Variants in SUMF1 observed in about 807,000 individuals in gnomAD.
SUMF1 encodes the protein sulfatase modifying factor 1.
In SUMF1, 48 loss-of-function variants were observed where a neutral mutation model predicts 47.6. That is an observed-to-expected ratio of 1.01 (90% confidence interval 0.80 to 1.28). SUMF1 has a LOEUF of 1.28. Among genes scored for constraint, SUMF1 ranks in the 50% most tolerant of loss-of-function variants. SUMF1 has a pLI of 0.00. For synonymous variants in SUMF1, 230 were observed against 192.1 expected (o/e 1.20, Z -1.63); for missense variants, 571 against 485.4 (o/e 1.18, Z -1.66).
chr3:4,336,126 T>C (rs1699148797), intron 8 of SUMF1, among the ~76,000 whole-genome samples: 1 of 152,130 alleles, frequency 6.6e-6, no homozygotes, highest in Non-Finnish European at 1.5e-5. Context: ...CAAGGTTGAT[T>C]TGGCCAAGGT....
At chr3:4,403,982 G>A (rs1471021474) in intron 7 of SUMF1, among the ~76,000 whole-genome samples, 4 of 152,198 alleles carry the variant, frequency 2.6e-5, no homozygotes, top group Non-Finnish European at 5.9e-5. Flanking sequence ...TTGTCCTGAA[G>A]TGGAAACAAA....
intron 8 of SUMF1, among the ~76,000 whole-genome samples, chr3:4,284,451 AG>A (rs1559650399): frequency 1.6e-4 from 15 of 93,750 alleles, no homozygotes; most frequent in African/African-American, 6.4e-4. Context: ...AAGGAGGAGG[AG>A]GAGGAGGAGG....
rs374978118 is a variant in SUMF1, at chr3:4,354,683, T to A, written c.1014+21647A>T. 7.9e-4 allele frequency among the ~76,000 whole-genome samples: 120 copies of A among 152,288 alleles called. 1 individual carries two copies. Among genetic ancestry groups the A allele is most frequent in the African/African-American group, 2.8e-3 (118 of 41,566 alleles). ...GGTTAAGCTTTTCTATGCAGTCTCT[T>A]TGTTCTTTCTTACTCTTAGCCCATT... On this transcript the variant is annotated intron_variant and NMD_transcript_variant, in intron 8 of 12. Transcript: ENST00000448413.
intron 8 of SUMF1, among the ~76,000 whole-genome samples, chr3:4,096,828 A>G (rs775439037): frequency 6.6e-6 from 1 of 152,078 alleles, no homozygotes; most frequent in Non-Finnish European, 1.5e-5. Context: ...TACTATGTGA[A>G]GGGGACAGCA....
chr3:4,355,614 A>G (rs963851944), intron 8 of SUMF1, among the ~76,000 whole-genome samples: 6 of 152,132 alleles, frequency 3.9e-5, no homozygotes, highest in Admixed American at 2.6e-4. Context: ...CTTTTCCCCT[A>G]AGTGTTCATT....
At chr3:4,241,600 T>C (rs1378394164) in intron 8 of SUMF1, among the ~76,000 whole-genome samples, 1 of 152,194 alleles carries the variant, frequency 6.6e-6, no homozygotes, top group East Asian at 1.9e-4. Flanking sequence ...TATTTTATAA[T>C]AAAATTTTCT....
chr3:4,353,254 A>C (rs1373226361), intron 8 of SUMF1, among the ~76,000 whole-genome samples: 1 of 152,158 alleles, frequency 6.6e-6, no homozygotes, highest in Non-Finnish European at 1.5e-5. Context: ...GAAAAAATTA[A>C]GATTAGGAAT....
At chr3:4,296,145 C>T (rs1363355753) in intron 8 of SUMF1, among the ~76,000 whole-genome samples, 1 of 151,554 alleles carries the variant, frequency 6.6e-6, no homozygotes, top group East Asian at 1.9e-4. Flanking sequence ...CTGGGTATGA[C>T]TTATGTGCTA....
intron 8 of SUMF1, among the ~76,000 whole-genome samples, chr3:4,182,648 G>A (rs897362232): frequency 2.0e-5 from 3 of 151,806 alleles, no homozygotes; most frequent in African/African-American, 4.8e-5. Context: ...TCCCTTTCTC[G>A]CTGTGGTTTC....
chr3:4,219,458 T>A (rs750070554), intron 8 of SUMF1, among the ~76,000 whole-genome samples: 20 of 152,198 alleles, frequency 1.3e-4, no homozygotes, highest in Non-Finnish European at 2.1e-4. Context: ...GCCAGATGTT[T>A]GCACACTCAA....
intron 8 of SUMF1, among the ~76,000 whole-genome samples, chr3:4,260,025 A>T (rs981780858): frequency 6.8e-5 from 3 of 44,280 alleles, no homozygotes; most frequent in East Asian, 2.7e-4. Flanking sequence ...GAAAAAGGAT[A>T]AAAAAAAAAA....
chr3:4,451,293 TA>T (rs1396516284), intron 2 of SUMF1, among the ~76,000 whole-genome samples: 1 of 152,140 alleles, frequency 6.6e-6, no homozygotes, highest in Non-Finnish European at 1.5e-5. Flanking sequence ...AAAATATGAT[TA>T]AAAATGTCTG....
At chr3:4,145,229 C>T (rs1247610342) in intron 8 of SUMF1, among the ~76,000 whole-genome samples, 1 of 148,450 alleles carries the variant, frequency 6.7e-6, no homozygotes, top group Non-Finnish European at 1.5e-5. Context: ...CTCCTACAGT[C>T]ATGCATGTAA....
In SUMF1 at chr3:4,466,972, G is replaced by A; in HGVS notation, c.270+4C>T. On this transcript the variant is annotated splice_donor_region_variant and intron_variant, in intron 1 of 8. Transcript: ENST00000272902. ...CACCCGCCTCGGAGGAATCGATGGA[G>A]CACCTTTGAGTGCGCGAGTTGCCGC... 2 of 1,604,696 alleles carry A rather than the reference G, an allele frequency of 1.2e-6. No individual in the cohort carries two copies. Among genetic ancestry groups the A allele is most frequent in the Non-Finnish European group, 1.7e-6 (2 of 1,177,128 alleles).
At chr3:4,380,668 G>A (rs997522862) in intron 7 of SUMF1, among the ~76,000 whole-genome samples, 5 of 152,166 alleles carry the variant, frequency 3.3e-5, no homozygotes, top group Non-Finnish European at 7.3e-5. Flanking sequence ...CGTGAATCCT[G>A]TCTCCAAAGG....
Position 4,279,423 on chromosome 3 carries a change from A to G in SUMF1, c.1014+96907T>C, listed in dbSNP as rs75346056. On this transcript the variant is annotated intron_variant and NMD_transcript_variant, in intron 8 of 12. Coordinates refer to the SUMF1 transcript ENST00000448413. ...CCCATCAACAATTAAATACATTATG[A>G]CACACAATCATACAACAAAATAGTA... 1.8e-3 allele frequency among the ~76,000 whole-genome samples: 280 copies of G among 152,324 alleles called. 1 individual carries two copies. The highest frequency in any genetic ancestry group is 6.4e-3 in the African/African-American group (265 of 41,580).
At chr3:4,186,189 G>T (rs933827709) in intron 8 of SUMF1, among the ~76,000 whole-genome samples, 1 of 152,074 alleles carries the variant, frequency 6.6e-6, no homozygotes, top group Admixed American at 6.5e-5. Flanking sequence ...TTAACCTAGA[G>T]GCTCATGCTA....
chr3:4,429,406 T>C (rs750050542), intron 3 of SUMF1, among the ~76,000 whole-genome samples: 38 of 152,240 alleles, frequency 2.5e-4, no homozygotes, highest in Non-Finnish European at 5.0e-4. Flanking sequence ...AAAGTTGGAA[T>C]GCCATCTGAT....
intron 8 of SUMF1, among the ~76,000 whole-genome samples, chr3:4,258,669 T>A (rs1267614584): frequency 6.6e-6 from 1 of 151,168 alleles, no homozygotes; most frequent in South Asian, 2.1e-4. Context: ...TTGGTGGGAC[T>A]GTAAACTGGT....
Sources: gnomAD v4.1 joint callset for allele counts (sites outside exome capture counted in the v4.1 genomes callset) on GRCh38, gnomAD v4.1.1 for gene constraint, MANE v1.5 for transcripts, NCBI Gene and HGNC (gene_info 2026-07-23, HGNC 2026-07-21) for gene names.